The following HACD3 variants were observed in gnomAD, a reference collection of about 807,000 sequenced individuals.
HACD3 encodes very-long-chain (3R)-3-hydroxyacyl-CoA dehydratase 3.
HACD3 carries 30 observed loss-of-function variants against 55.2 expected under a neutral mutation model. The observed-to-expected ratio is 0.54, with a 90% CI of 0.41 to 0.74. HACD3 has a LOEUF of 0.74. HACD3 is among the 30% of genes least tolerant of loss of function. The pLI, the probability that HACD3 is intolerant of heterozygous loss-of-function variation, is 0.00. For synonymous variants in HACD3, 141 were observed against 151.7 expected (o/e 0.93, Z 0.52); for missense variants, 363 against 440.1 (o/e 0.82, Z 1.57).
intron 2 of HACD3, among the ~76,000 whole-genome samples, chr15:65,554,663 T>C (rs1211447743): frequency 1.3e-5 from 2 of 151,854 alleles, no homozygotes; most frequent in African/African-American, 4.9e-5. Context: ...TAGTCCCAGC[T>C]ACTCGGGAGG....
Position 65,572,293 on chromosome 15 carries a change from A to G in HACD3, c.939A>G (p.Thr313=). The change falls in exon 10 of 11, where the codon ACA becomes ACG. Residue 313 remains threonine, a synonymous_variant. Transcript: ENST00000261875. ...ATGAGACCGGACGATTCAGTTTCACATTGCCATATCCAGTGAAAATCAAAG... is the reference window on the plus strand; with the variant it reads ...ATGAGACCGGACGATTCAGTTTCACGTTGCCATATCCAGTGAAAATCAAAG... ...IFNETGRFSF[T]LPYPVKIKVR... 6.2e-7 allele frequency: 1 copy of G among 1,613,470 alleles called. No homozygotes were observed.
intron 2 of HACD3, among the ~76,000 whole-genome samples, chr15:65,552,696 TA>T (rs1299693600): frequency 2.6e-5 from 4 of 151,858 alleles, no homozygotes; most frequent in South Asian, 2.1e-4. Flanking sequence ...TTAAATTTAT[TA>T]TTTTTTTATT....
intron 1 of HACD3, among the ~76,000 whole-genome samples, chr15:65,539,857 T>C (rs181024217): frequency 6.6e-6 from 1 of 152,224 alleles, no homozygotes; most frequent in East Asian, 1.9e-4. Flanking sequence ...AAGAATGATA[T>C]AGGCAGTATG....
chr15:65,575,487 C>T (rs2072391928), intron 10 of HACD3, among the ~76,000 whole-genome samples: 3 of 152,078 alleles, frequency 2.0e-5, no homozygotes, highest in Non-Finnish European at 4.4e-5. Context: ...CACGCCTGGC[C>T]ATGTTCTTGA....
intron 7 of HACD3, chr15:65,566,705 T>C (rs2072296084): frequency 6.6e-6 from 1 of 152,228 alleles, no homozygotes; most frequent in Non-Finnish European, 1.5e-5. Flanking sequence ...TACATTTTGC[T>C]AAGAAGTCTC....
chr15:65,547,328 G>T (rs548914220), intron 1 of HACD3, among the ~76,000 whole-genome samples: 100 of 152,218 alleles, frequency 6.6e-4, no homozygotes, highest in Non-Finnish European at 1.1e-3. Flanking sequence ...TATTGGTCAG[G>T]CTGGTCTCGA....
intron 10 of HACD3, among the ~76,000 whole-genome samples, chr15:65,573,678 A>G (rs2072373813): frequency 6.6e-6 from 1 of 152,134 alleles, no homozygotes; most frequent in African/African-American, 2.4e-5. Context: ...GATTCTACCC[A>G]TATTATCTAT....
intron 1 of HACD3, among the ~76,000 whole-genome samples, chr15:65,533,845 A>C (rs777441288): frequency 6.6e-6 from 1 of 151,578 alleles, no homozygotes; most frequent in Non-Finnish European, 1.5e-5. Flanking sequence ...AGGTCAGGAG[A>C]TCGAGACCAT....
At chr15:65,545,610 ATTTT>A (rs71139415) in intron 1 of HACD3, among the ~76,000 whole-genome samples, 9 of 143,262 alleles carry the variant, frequency 6.3e-5, no homozygotes, top group Admixed American at 1.4e-4. Context: ...GGCCCGGCTA[ATTTT>A]TTTTTTTTTT....
At position 65,546,252 on chromosome 15, in the gene HACD3, G is replaced by A. The variant is rs183045344; in HGVS notation, c.88-5424G>A. On this transcript the variant is annotated intron_variant, in intron 1 of 10. Transcript: ENST00000261875. ...TTAAGTTAAGTTTTAGAGTGGTTGC[G>A]TGCATTACAGTAAATAACAAAAACA... Among the ~76,000 whole-genome samples the A allele has an allele frequency of 7.2e-5, 11 of 152,170 alleles. No homozygotes were observed. The East Asian group carries it at 1.3e-3, about 19-fold the overall frequency.
intron 5 of HACD3, among the ~76,000 whole-genome samples, 158 bp from the exon 6 acceptor site, chr15:65,562,616 G>A (rs2072254297): frequency 1.3e-5 from 2 of 152,050 alleles, no homozygotes; most frequent in African/African-American, 2.4e-5. Context: ...GTGGGAGTAG[G>A]AGCCCAGGCT....
chr15:65,570,049 T>C, intron 7 of HACD3, 42 bp from the exon 8 acceptor site: 2 of 1,303,322 alleles, frequency 1.5e-6, no homozygotes, highest in South Asian at 2.6e-5. Context: ...ACTTTACATA[T>C]ATTTTATTAA....
chr15:65,546,953 GAAAAA>G (rs1189810933), intron 1 of HACD3, among the ~76,000 whole-genome samples: 1 of 151,968 alleles, frequency 6.6e-6, no homozygotes, highest in Non-Finnish European at 1.5e-5. Flanking sequence ...ATCAGTAAAG[GAAAAA>G]AAGCACAAGT....
At chr15:65,561,401 G>T (rs1350847494) in intron 5 of HACD3, among the ~76,000 whole-genome samples, 1 of 152,018 alleles carries the variant, frequency 6.6e-6, no homozygotes, top group East Asian at 1.9e-4. Context: ...GGGAGGTGGA[G>T]CGTGCAGTGA....
At position 65,572,840 on chromosome 15, in the gene HACD3, G is replaced by A. The variant is rs182721154; in HGVS notation, c.1012+474G>A. ...TGAGGCAGGAGAATCGCTTGAACCCGGGAGGCAGAGGTTGCAGTGACCTGA... is the reference window on the plus strand; with the variant it reads ...TGAGGCAGGAGAATCGCTTGAACCCAGGAGGCAGAGGTTGCAGTGACCTGA... On this transcript the variant is annotated intron_variant, in intron 10 of 10. Transcript: ENST00000261875. 7.2e-3 allele frequency among the ~76,000 whole-genome samples: 1,090 copies of A among 150,770 alleles called. 4 individuals are homozygous for A. The highest frequency in any genetic ancestry group is 0.011 in the Non-Finnish European group (750 of 67,718).
chr15:65,560,466 T>G (rs2072233429), intron 5 of HACD3, among the ~76,000 whole-genome samples: 1 of 152,188 alleles, frequency 6.6e-6, no homozygotes, highest in African/African-American at 2.4e-5. Context: ...TTTGAAATTG[T>G]CCTGCTTTGG....
At chr15:65,536,741 C>T (rs376482931) in intron 1 of HACD3, among the ~76,000 whole-genome samples, 4 of 152,264 alleles carry the variant, frequency 2.6e-5, no homozygotes, top group South Asian at 2.1e-4. Context: ...CAGAGTGAGA[C>T]TCTGTCTCAA....
At position 65,548,158 on chromosome 15, in the gene HACD3, G is replaced by T. The variant is rs2072094862; in HGVS notation, c.88-3518G>T. Among the ~76,000 whole-genome samples, 4 of 152,296 alleles carry T rather than the reference G, an allele frequency of 2.6e-5. No homozygotes were observed. The South Asian group carries it at 6.2e-4, about 24-fold the overall frequency. On this transcript the variant is annotated intron_variant, in intron 1 of 10. Coordinates refer to ENST00000261875, the MANE Select transcript of HACD3 (RefSeq NM_016395.4). The stretch of plus-strand genomic sequence containing the variant: ...TCTTACTAGTTGCCAGGGTCTGTGT[G>T]TGCTATTATAACTTAATCCTTACAG...
At position 65,530,627 on chromosome 15, in the gene HACD3, T is replaced by TGGCCATGGAGAA. The variant is rs2071886977; in HGVS notation, c.-4_8dup. The TGGCCATGGAGAA allele has an allele frequency of 1.3e-6, 2 of 1,572,504 alleles. No individual in the cohort carries two copies. The highest frequency in any genetic ancestry group is 1.4e-5 in the African/African-American group (1 of 73,432). On this transcript the variant is annotated 5_prime_UTR_variant, in exon 1 of 11. The change creates a new upstream start codon in the 5' untranslated region. Coordinates refer to ENST00000261875, the MANE Select transcript of HACD3 (RefSeq NM_016395.4). ...TAGCCTCCCCGCGCCCTGGGCAGTG[T>TGGCCATGGAGAA]GGCCATGGAGAATCAGGTGTTGACG...
Sources: gnomAD v4.1 joint callset for allele counts (sites outside exome capture counted in the v4.1 genomes callset) on GRCh38, gnomAD v4.1.1 for gene constraint, MANE v1.5 for transcripts, NCBI Gene and HGNC (gene_info 2026-07-23, HGNC 2026-07-21) for gene names.